OSBPL10: variants seen among roughly 807,000 people sequenced by gnomAD.
OSBPL10 encodes oxysterol binding protein like 10.
Under a neutral mutation model 81.7 loss-of-function variants are expected in OSBPL10, and 49 were observed. The ratio of observed to expected loss-of-function variants is 0.60; its 90% CI spans 0.48 to 0.76. The LOEUF (loss-of-function observed/expected upper bound fraction) is 0.76. Among genes scored for constraint, OSBPL10 ranks in the 30% least tolerant of loss-of-function variants. OSBPL10 has a pLI of 0.00. For missense variants in OSBPL10, 923 were observed against 987.8 expected (o/e 0.93, Z 0.88); for synonymous variants, 419 against 383.6 (o/e 1.09, Z -1.08).
chr3:31,803,915 C>T (rs1333260882), intron 4 of OSBPL10, among the ~76,000 whole-genome samples: 1 of 152,134 alleles, frequency 6.6e-6, no homozygotes, highest in East Asian at 1.9e-4. Context: ...TGGTATTAAC[C>T]ATGATCACTT....
chr3:31,860,762 G>C (rs1454445478), intron 3 of OSBPL10, among the ~76,000 whole-genome samples: 1 of 151,924 alleles, frequency 6.6e-6, no homozygotes, highest in African/African-American at 2.4e-5. Context: ...TGCAGCCTCC[G>C]TCTCCTGGGT....
At chr3:32,026,011 CATAGATAGATAGATAG>C (rs10662309) in intron 2 of OSBPL10, among the ~76,000 whole-genome samples, 5 of 128,362 alleles carry the variant, frequency 3.9e-5, no homozygotes, top group Admixed American at 2.4e-4. Flanking sequence ...TATATACAGA[CATAGATAGATAGATAG>C]ATAGATAGAT....
intron 2 of OSBPL10, among the ~76,000 whole-genome samples, chr3:31,997,805 A>G (rs1213382406): frequency 2.0e-5 from 3 of 151,920 alleles, no homozygotes; most frequent in Admixed American, 2.0e-4. Context: ...TTTCTGAGAC[A>G]GGGTCTTACT....
At chr3:31,823,013 A>T (rs1010902963) in intron 4 of OSBPL10, among the ~76,000 whole-genome samples, 1 of 151,954 alleles carries the variant, frequency 6.6e-6, no homozygotes, top group African/African-American at 2.4e-5. Context: ...GATCAAATTA[A>T]TTTTTTAAAA....
At chr3:31,720,885 A>G (rs1271993754) in intron 6 of OSBPL10, among the ~76,000 whole-genome samples, 2 of 149,722 alleles carry the variant, frequency 1.3e-5, no homozygotes, top group Non-Finnish European at 1.5e-5. Flanking sequence ...CTGTCTCAAA[A>G]AAAAAAAAAA....
chr3:32,012,930 C>A (rs1214146749), intron 2 of OSBPL10, among the ~76,000 whole-genome samples: 11 of 150,754 alleles, frequency 7.3e-5, no homozygotes, highest in Non-Finnish European at 1.0e-4. Flanking sequence ...CAGGAGCACC[C>A]AGATTCATAA....
At chr3:31,900,619 G>C (rs1231108713) in intron 1 of OSBPL10, among the ~76,000 whole-genome samples, 1 of 152,180 alleles carries the variant, frequency 6.6e-6, no homozygotes, top group Non-Finnish European at 1.5e-5. Context: ...CAATTACTTT[G>C]TCTTTATTCT....
intron 4 of OSBPL10, among the ~76,000 whole-genome samples, chr3:31,805,863 G>A (rs574308408): frequency 6.6e-6 from 1 of 152,310 alleles, no homozygotes; most frequent in East Asian, 1.9e-4. Flanking sequence ...CAATAACGAT[G>A]ACGATGGTAG....
At chr3:31,952,508 T>C (rs1575056944) in intron 1 of OSBPL10, among the ~76,000 whole-genome samples, 2 of 152,278 alleles carry the variant, frequency 1.3e-5, no homozygotes, top group South Asian at 4.2e-4. Context: ...CACCAGCAAC[T>C]TGGGGCAGGA....
At chr3:31,797,694 T>C (rs1215916917) in intron 4 of OSBPL10, 1 of 409,952 alleles carries the variant, frequency 2.4e-6, no homozygotes, top group Non-Finnish European at 5.0e-6. Context: ...CACACAGTTT[T>C]TTTATATGTA....
At chr3:32,066,433 G>C (rs1013753557) in intron 1 of OSBPL10, 1 of 152,172 alleles carries the variant, frequency 6.6e-6, no homozygotes, top group African/African-American at 2.4e-5. Flanking sequence ...CATTGTAATG[G>C]TCCCTATACC....
intron 2 of OSBPL10, chr3:32,030,530 A>C (rs1335282754): frequency 1.3e-6 from 1 of 745,822 alleles, no homozygotes; most frequent in Non-Finnish European, 2.5e-6. Context: ...GTGAAGGAAA[A>C]TGATCAGAAA....
At chr3:31,956,045 C>T (rs1241042149) in intron 1 of OSBPL10, among the ~76,000 whole-genome samples, 1 of 152,166 alleles carries the variant, frequency 6.6e-6, no homozygotes, top group Non-Finnish European at 1.5e-5. Flanking sequence ...CTGTGTTGTT[C>T]CTAAACATGT....
intron 4 of OSBPL10, among the ~76,000 whole-genome samples, chr3:31,774,394 G>A (rs113875524): frequency 0.026 from 3,902 of 152,280 alleles, 80 homozygotes; most frequent in Middle Eastern, 0.038. Context: ...TGGAGCAGGC[G>A]AGCGGAGTGT....
chr3:31,921,186 C>T (rs1696901868), intron 1 of OSBPL10, among the ~76,000 whole-genome samples: 1 of 151,920 alleles, frequency 6.6e-6, no homozygotes, highest in Non-Finnish European at 1.5e-5. Flanking sequence ...CACATGGTTA[C>T]ACATAGAAAT....
At chr3:31,737,155 G>A (rs927638850) in intron 5 of OSBPL10, among the ~76,000 whole-genome samples, 1 of 152,132 alleles carries the variant, frequency 6.6e-6, no homozygotes, top group Non-Finnish European at 1.5e-5. Flanking sequence ...ACTTTCTGTG[G>A]ACCCTATGAA....
chr3:32,030,532 G>T, intron 2 of OSBPL10: 9 of 747,706 alleles, frequency 1.2e-5, no homozygotes, highest in South Asian at 9.7e-5. Flanking sequence ...GAAGGAAAAT[G>T]ATCAGAAAAA....
chr3:31,833,705 G>GCA (rs10591808), intron 3 of OSBPL10, among the ~76,000 whole-genome samples: 3,620 of 137,976 alleles, frequency 0.026, 54 homozygotes, highest in Non-Finnish European at 0.032. Flanking sequence ...ACACGCACAC[G>GCA]CACACACACA....
At chr3:31,768,840 CACAA>C (rs887366344) in intron 4 of OSBPL10, among the ~76,000 whole-genome samples, 14 of 152,166 alleles carry the variant, frequency 9.2e-5, no homozygotes, top group African/African-American at 3.1e-4. Context: ...CCATTTATTT[CACAA>C]ACAATTTCCT....
Sources: allele counts gnomAD v4.1 joint callset (sites outside exome capture counted in the v4.1 genomes callset), GRCh38; gene constraint gnomAD v4.1.1; transcripts MANE v1.5; gene names NCBI Gene and HGNC (gene_info 2026-07-23, HGNC 2026-07-21).